The following ASPRV1 variants were observed in gnomAD, a reference collection of about 807,000 sequenced individuals.
ASPRV1 encodes the protein retroviral-like aspartic protease 1.
ASPRV1 carries 7 observed loss-of-function variants against 11.0 expected under a neutral mutation model. The observed-to-expected ratio is 0.64, with a 90% CI of 0.36 to 1.20. The LOEUF is 1.20. Among genes scored for constraint, ASPRV1 ranks in the 50% most tolerant of loss-of-function variants. ASPRV1 has a pLI of 0.02. For missense variants in ASPRV1, 299 were observed against 320.0 expected, an observed-to-expected ratio of 0.93 and a Z score of 0.50; for synonymous variants, 136 against 138.4, an observed-to-expected ratio of 0.98 and a Z score of 0.12.
chr2:69,942,324 G>A, the ASPRV1 span: 1 of 152,006 alleles, frequency 6.6e-6, no homozygotes, highest in African/African-American at 2.4e-5. Flanking sequence ...AAGATAACTG[G>A]GTTAGAGGGT....
the ASPRV1 span, among the ~76,000 whole-genome samples, chr2:69,949,855 G>A: frequency 1.5e-3 from 223 of 152,148 alleles, 9 homozygotes; most frequent in South Asian, 0.043. Context: ...TCACTCTTTC[G>A]TCCAGGCTGG....
At chr2:69,987,208 C>A in the ASPRV1 span, among the ~76,000 whole-genome samples, 1 of 152,038 alleles carries the variant, frequency 6.6e-6, no homozygotes, top group Non-Finnish European at 1.5e-5. Context: ...CTAGGCCAAT[C>A]GCCATCCCCT....
chr2:69,974,649 C>A, the ASPRV1 span, among the ~76,000 whole-genome samples: 4 of 152,334 alleles, frequency 2.6e-5, no homozygotes, highest in South Asian at 2.1e-4. Flanking sequence ...AAACTGAACT[C>A]ATTTTCTTTC....
At chr2:69,962,936 C>G, upstream of ASPRV1, 3 of 264,468 alleles carry the variant, frequency 1.1e-5, no homozygotes, top group South Asian at 4.1e-5. Flanking sequence ...TGTCACCAAA[C>G]AGGAGTGATT....
the ASPRV1 span, among the ~76,000 whole-genome samples, chr2:70,037,124 C>T: frequency 6.6e-6 from 1 of 152,276 alleles, no homozygotes; most frequent in South Asian, 2.1e-4. Context: ...TTGGATGTAC[C>T]TCTAGCTCTT....
the ASPRV1 span, among the ~76,000 whole-genome samples, chr2:70,047,202 G>A: frequency 6.6e-6 from 1 of 152,178 alleles, no homozygotes; most frequent in Admixed American, 6.5e-5. Context: ...TCAGTTTAGT[G>A]AGAGTGGGTA....
the ASPRV1 span, among the ~76,000 whole-genome samples, chr2:70,080,547 G>A: frequency 7.2e-4 from 110 of 152,118 alleles, no homozygotes; most frequent in African/African-American, 2.4e-3. Context: ...TTTTTTATAG[G>A]ACAGAGAGTT....
chr2:70,010,560 A>G, the ASPRV1 span, among the ~76,000 whole-genome samples: 1 of 152,286 alleles, frequency 6.6e-6, no homozygotes, highest in South Asian at 2.1e-4. Flanking sequence ...GTTTCATGAT[A>G]AGGAATTTGG....
At chr2:69,935,788 AT>A in the ASPRV1 span, among the ~76,000 whole-genome samples, 1 of 152,134 alleles carries the variant, frequency 6.6e-6, no homozygotes, top group Admixed American at 6.5e-5. Flanking sequence ...TTCCATCTTC[AT>A]CCCCACTGTC....
chr2:69,971,994 T>C, the ASPRV1 span, among the ~76,000 whole-genome samples: 2 of 152,214 alleles, frequency 1.3e-5, no homozygotes. Context: ...TAGCCAGTAC[T>C]GCACCTGGTT....
At chr2:70,084,014 T>G in the ASPRV1 span, among the ~76,000 whole-genome samples, 1 of 152,016 alleles carries the variant, frequency 6.6e-6, no homozygotes. Context: ...CAAGACACAT[T>G]ACAATTTAAC....
the ASPRV1 span, among the ~76,000 whole-genome samples, chr2:70,068,116 C>A: frequency 1.3e-5 from 2 of 152,218 alleles, no homozygotes; most frequent in East Asian, 3.9e-4. Flanking sequence ...TGAGCCTGGG[C>A]TATAGCCCCA....
the ASPRV1 span, chr2:70,031,086 T>C: frequency 6.6e-6 from 1 of 152,182 alleles, no homozygotes. Flanking sequence ...TAGATTATCC[T>C]TAGGACTCCA....
chr2:70,003,737 C>G, the ASPRV1 span, among the ~76,000 whole-genome samples: 1 of 152,200 alleles, frequency 6.6e-6, no homozygotes, highest in African/African-American at 2.4e-5. Context: ...ATGTTTCTCC[C>G]AGAAAGCATG....
chr2:69,972,534 T>C, the ASPRV1 span, among the ~76,000 whole-genome samples: 1 of 152,044 alleles, frequency 6.6e-6, no homozygotes, highest in African/African-American at 2.4e-5. Context: ...TTTTTTGTAA[T>C]TTTAGTAGAG....
chr2:69,952,221 T>G, the ASPRV1 span, among the ~76,000 whole-genome samples: 41 of 152,180 alleles, frequency 2.7e-4, no homozygotes, highest in African/African-American at 9.4e-4. Context: ...TTGTAGATGT[T>G]TTGTGAGAAT....
At chr2:69,980,920 C>T in the ASPRV1 span, among the ~76,000 whole-genome samples, 1 of 152,090 alleles carries the variant, frequency 6.6e-6, no homozygotes, top group African/African-American at 2.4e-5. Flanking sequence ...GGATTACAGG[C>T]GCCCGCCACC....
At chr2:69,985,985 A>G in the ASPRV1 span, among the ~76,000 whole-genome samples, 1 of 152,230 alleles carries the variant, frequency 6.6e-6, no homozygotes, top group South Asian at 2.1e-4. Flanking sequence ...TGGAATGGCC[A>G]GACTTAAAAC....
At chr2:69,958,794 C>A (rs1192896806), downstream of ASPRV1, among the ~76,000 whole-genome samples, 1 of 152,174 alleles carries the variant, frequency 6.6e-6, no homozygotes, top group Admixed American at 6.5e-5. Context: ...GGAGACCACC[C>A]TTTCTCCAGT....
Sources: gnomAD v4.1 joint callset for allele counts (sites outside exome capture counted in the v4.1 genomes callset) on GRCh38, gnomAD v4.1.1 for gene constraint, MANE v1.5 for transcripts, NCBI Gene and HGNC (gene_info 2026-07-23, HGNC 2026-07-21) for gene names.